The following NRXN1 variants were observed in gnomAD, a reference collection of about 807,000 sequenced individuals.
NRXN1 encodes the protein neurexin-1.
In NRXN1, 39 loss-of-function variants were observed where a neutral mutation model predicts 150.9. The observed-to-expected ratio is 0.26, with a 90% CI of 0.20 to 0.34. The LOEUF is 0.34. Among genes scored for constraint, NRXN1 ranks in the 10% least tolerant of loss-of-function variants. The pLI is 1.00. For missense variants in NRXN1, 1,815 were observed against 1,949.9 expected (o/e 0.93, Z 1.30); for synonymous variants, 924 against 757.0 (o/e 1.22, Z -3.62).
At chr2:50,929,355 T>C (rs1558438803) in intron 2 of NRXN1, among the ~76,000 whole-genome samples, 1 of 152,110 alleles carries the variant, frequency 6.6e-6, no homozygotes, top group Non-Finnish European at 1.5e-5. Context: ...GTGCTAAAGT[T>C]TGGCAATATG....
At chr2:50,378,702 T>C (rs1040537662) in intron 17 of NRXN1, among the ~76,000 whole-genome samples, 3 of 152,160 alleles carry the variant, frequency 2.0e-5, no homozygotes, top group African/African-American at 7.2e-5. Context: ...CAGCAATAAA[T>C]GCAGATGGCT....
intron 18 of NRXN1, among the ~76,000 whole-genome samples, chr2:50,096,298 T>C (rs1573888509): frequency 6.6e-6 from 1 of 152,148 alleles, no homozygotes; most frequent in East Asian, 1.9e-4. Context: ...ATAACAAGCA[T>C]ATTTATAAGA....
At chr2:49,975,992 C>T (rs1189522707) in intron 21 of NRXN1, among the ~76,000 whole-genome samples, 1 of 150,926 alleles carries the variant, frequency 6.6e-6, no homozygotes, top group East Asian at 1.9e-4. Flanking sequence ...TGTATACACA[C>T]ACAAATGATT....
At chr2:50,364,526 T>C (rs1467085490) in intron 17 of NRXN1, among the ~76,000 whole-genome samples, 1 of 152,182 alleles carries the variant, frequency 6.6e-6, no homozygotes. Flanking sequence ...TGCCAAATGC[T>C]TAATTTCCCA....
chr2:50,518,067 C>T (rs1206849047), intron 12 of NRXN1, among the ~76,000 whole-genome samples: 1 of 152,054 alleles, frequency 6.6e-6, no homozygotes, highest in Non-Finnish European at 1.5e-5. Flanking sequence ...CCATTTATGA[C>T]AGACAAGGAT....
At chr2:50,670,799 T>C (rs1449748625) in intron 5 of NRXN1, among the ~76,000 whole-genome samples, 6 of 151,916 alleles carry the variant, frequency 3.9e-5, no homozygotes, top group Non-Finnish European at 7.4e-5. Context: ...TTTCTCATTA[T>C]TAGATTGAGG....
At chr2:50,554,918 T>C (rs1490913906) in intron 8 of NRXN1, among the ~76,000 whole-genome samples, 1 of 152,142 alleles carries the variant, frequency 6.6e-6, no homozygotes, top group Non-Finnish European at 1.5e-5. Context: ...AAAATGAACT[T>C]GAGCAATAAC....
At chr2:50,148,736 G>C (rs2058516989) in intron 18 of NRXN1, among the ~76,000 whole-genome samples, 1 of 151,670 alleles carries the variant, frequency 6.6e-6, no homozygotes, top group Non-Finnish European at 1.5e-5. Context: ...AACACACAAA[G>C]TTTAATCAGA....
At chr2:50,165,442 G>A (rs1430438539) in intron 18 of NRXN1, among the ~76,000 whole-genome samples, 2 of 152,122 alleles carry the variant, frequency 1.3e-5, no homozygotes. Context: ...TCCGCCTGCC[G>A]AGTTCAAGCG....
intron 3 of NRXN1, among the ~76,000 whole-genome samples, chr2:50,924,410 G>C (rs1279275095): frequency 1.3e-5 from 2 of 151,700 alleles, no homozygotes; most frequent in South Asian, 4.2e-4. Flanking sequence ...TGTGTGAAAA[G>C]AGAGAAGCAT....
chr2:50,997,714 T>C (rs1390536835), intron 2 of NRXN1, among the ~76,000 whole-genome samples: 1 of 140,748 alleles, frequency 7.1e-6, no homozygotes, highest in Non-Finnish European at 1.5e-5. Context: ...TTTGCTATGT[T>C]GCCCAGCTGG....
chr2:51,018,885 T>C (rs915838371), intron 2 of NRXN1, among the ~76,000 whole-genome samples: 1 of 151,992 alleles, frequency 6.6e-6, no homozygotes, highest in Non-Finnish European at 1.5e-5. Context: ...TATGATAGAG[T>C]AGAATCAACC....
At chr2:49,994,383 T>C (rs1276497720) in intron 21 of NRXN1, among the ~76,000 whole-genome samples, 1 of 152,200 alleles carries the variant, frequency 6.6e-6, no homozygotes, top group East Asian at 1.9e-4. Flanking sequence ...CCAGTCTGTT[T>C]TAGAGGTTTA....
At chr2:50,924,062 T>C (rs1330229130) in intron 3 of NRXN1, among the ~76,000 whole-genome samples, 1 of 151,832 alleles carries the variant, frequency 6.6e-6, no homozygotes, top group East Asian at 1.9e-4. Context: ...GTGGCTTATT[T>C]GTCCAGGTTA....
intron 5 of NRXN1, among the ~76,000 whole-genome samples, chr2:50,861,524 C>T (rs1676127914): frequency 6.6e-6 from 1 of 152,140 alleles, no homozygotes; most frequent in African/African-American, 2.4e-5. Flanking sequence ...TAACCACCCC[C>T]ACCTTTACCA....
In NRXN1 at chr2:50,525,343, T is replaced by G. The variant is rs150916503; in HGVS notation, c.2374+3282A>C. 7.9e-5 allele frequency among the ~76,000 whole-genome samples: 12 copies of G among 152,340 alleles called. No homozygotes were observed. The East Asian group carries it at 2.3e-3, about 29-fold the overall frequency. ...GTTAATTCAGATAGTTTTTTCCTTT[T>G]TATGTTAAAAGAATGTGACTGTACA... On this transcript the variant is annotated intron_variant, in intron 12 of 22. Transcript: ENST00000401669.
intron 18 of NRXN1, among the ~76,000 whole-genome samples, chr2:50,172,127 T>C (rs1348895640): frequency 5.9e-5 from 9 of 152,160 alleles, no homozygotes; most frequent in Admixed American, 3.9e-4. Flanking sequence ...ATGGGGTTAT[T>C]ATAGACAAGG....
rs79886848 is a variant in NRXN1, at chr2:50,957,387, G to A, written c.773-31432C>T. Among the ~76,000 whole-genome samples the A allele has an allele frequency of 2.8e-3, 427 of 152,130 alleles. 4 individuals carry two copies. Among genetic ancestry groups the A allele is most frequent in the African/African-American group, 6.3e-3 (261 of 41,508 alleles). On this transcript the variant is annotated intron_variant, in intron 2 of 22. Transcript: ENST00000401669. ...AAAGTTCTGAACCAGGAGCCATTAC[G>A]CCCCATAAGGCATTTTTGGTTATCA... is the stretch of plus-strand genomic sequence containing the variant.
rs868208352 is a variant in NRXN1, at chr2:50,329,252, G to A, written c.3365-92282C>T. On this transcript the variant is annotated intron_variant, in intron 17 of 22. Coordinates refer to ENST00000401669, the MANE Select transcript of NRXN1 (RefSeq NM_001330078.2). ...GGAACACATCACTAGGTAATGCAAGGTAATGAACAGATAATTTGGTGAAAT... is the reference window on the plus strand; with the variant it reads ...GGAACACATCACTAGGTAATGCAAGATAATGAACAGATAATTTGGTGAAAT... 3.5e-4 allele frequency among the ~76,000 whole-genome samples: 54 copies of A among 152,172 alleles called. No homozygotes were observed. The Middle Eastern group carries it at 0.01, about 29-fold the overall frequency.
Sources: allele counts gnomAD v4.1 joint callset (sites outside exome capture counted in the v4.1 genomes callset), GRCh38; gene constraint gnomAD v4.1.1; transcripts MANE v1.5; gene names NCBI Gene and HGNC (gene_info 2026-07-23, HGNC 2026-07-21).